The following KCNQ1OT1 variants were observed in gnomAD, a reference collection of about 807,000 sequenced individuals.
KCNQ1OT1 encodes the protein KCNQ1 antisense RNA 2 (non-protein coding).
At position 2,620,069 on chromosome 11, in the gene KCNQ1OT1, T is replaced by C; in HGVS notation, n.79926A>G. 1 of 398,390 alleles carries C rather than the reference T, an allele frequency of 2.5e-6. No individual in the cohort carries two copies. The highest frequency in any genetic ancestry group is 4.4e-5 in the Admixed American group (1 of 22,712). 24.7% of individuals were successfully genotyped at this position (398,390 alleles called of 1,614,324 possible). ...TACTGATCATCTTTATGTCCATGTT[T>C]ACTCAGTGTTTAGGTCCCACTTGCA... On this transcript the variant is annotated non_coding_transcript_exon_variant, in exon 1 of 1. Coordinates refer to ENST00000597346, the Ensembl canonical transcript of KCNQ1OT1. This position sits in a 1 kb window ranked among gnomAD's most constrained non-coding sequence, Gnocchi z 4.5.
Position 2,682,170 on chromosome 11 carries a change from C to G in KCNQ1OT1, n.17825G>C, listed in dbSNP as rs1188745336. On this transcript the variant is annotated non_coding_transcript_exon_variant, in exon 1 of 1. Transcript: ENST00000597346. This position sits in a 1 kb window ranked among gnomAD's most constrained non-coding sequence, Gnocchi z 5.8. The stretch of plus-strand genomic sequence containing the variant: ...CTTTCAGTATTAAACATATCAAGCT[C>G]TCTCCTGACCTTCTCTCCCCTTCCC... The G allele has an allele frequency of 5.0e-6, 2 of 398,478 alleles. No individual in the cohort carries two copies. Among genetic ancestry groups the G allele is most frequent in the Non-Finnish European group, 8.8e-6 (2 of 226,076 alleles). 24.7% of individuals were successfully genotyped at this position (398,478 alleles called of 1,614,324 possible).
At chr11:2,615,966 C>A (rs1244582246) in exon 1 of KCNQ1OT1, 4 of 397,934 alleles carry the variant, frequency 1.0e-5, no homozygotes, top group South Asian at 1.3e-4. Context: ...TGGTATAATT[C>A]AACAGTGACG....
chr11:2,692,209 C>A, exon 1 of KCNQ1OT1: 1 of 398,894 alleles, frequency 2.5e-6, no homozygotes, highest in Admixed American at 4.4e-5. Flanking sequence ...TTCCGATACA[C>A]CCGCTTCCTC....
rs759620486 is a variant in KCNQ1OT1 at position 2,695,830 on chromosome 11, A to G, written n.4165T>C. 29 of 398,446 alleles carry G rather than the reference A, an allele frequency of 7.3e-5. No homozygotes were observed. Among genetic ancestry groups the G allele is most frequent in the South Asian group, 1.3e-4 (1 of 7,858 alleles). 24.7% of individuals were successfully genotyped at this position (398,446 alleles called of 1,614,324 possible). A position where few individuals can be genotyped will look rare whatever the true frequency, so the allele number is the denominator to read the frequency against. On this transcript the variant is annotated non_coding_transcript_exon_variant, in exon 1 of 1. Coordinates refer to ENST00000597346, the Ensembl canonical transcript of KCNQ1OT1. The surrounding 1 kb of genome is among the most constrained non-coding windows in gnomAD (Gnocchi z 5.2). ...TGTTGCTTTCATTTACATTTCTCTG[A>G]TAACTGATTAGCTTGGGCAAATTTT...
exon 1 of KCNQ1OT1, chr11:2,633,055 C>T (rs747550913): frequency 2.3e-5 from 9 of 398,314 alleles, no homozygotes; most frequent in Non-Finnish European, 4.0e-5. Flanking sequence ...TTTCCCTTTT[C>T]TCTGCATCCT....
chr11:2,639,317 G>C (rs1849531120), exon 1 of KCNQ1OT1: 1 of 152,108 alleles, frequency 6.6e-6, no homozygotes, highest in Non-Finnish European at 1.5e-5. Flanking sequence ...CTGCTTTTCT[G>C]CTGTTTTTTC....
Position 2,663,236 on chromosome 11 carries a change from C to T in KCNQ1OT1, n.36759G>A, listed in dbSNP as rs1284197874. The T allele has an allele frequency of 2.5e-6, 1 of 398,558 alleles. No homozygotes were observed. Among genetic ancestry groups the T allele is most frequent in the East Asian group, 3.6e-5 (1 of 28,086 alleles). The allele number at this position is 398,558 out of a possible 1,614,324, so 24.7% of individuals were successfully genotyped here. A position where few individuals can be genotyped will look rare whatever the true frequency, so the allele number is the denominator to read the frequency against. On this transcript the variant is annotated non_coding_transcript_exon_variant, in exon 1 of 1. Transcript: ENST00000597346. The surrounding 1 kb of genome is among the most constrained non-coding windows in gnomAD (Gnocchi z 5.2). ...AGAGGCTCCAAGGGAGCCAGCAGAT[C>T]ACTGGAAAGCAGGGGTGACTAGTCA... is the stretch of plus-strand genomic sequence containing the variant.
At position 2,674,309 on chromosome 11, in the gene KCNQ1OT1, C is replaced by G. The variant is rs765286982; in HGVS notation, n.25686G>C. ...CTTTCTTCATCATGCAGCCGTAGAG[C>G]TGGAGGCCAAGGACACCCTCTGGAA... On this transcript the variant is annotated non_coding_transcript_exon_variant, in exon 1 of 1. Transcript: ENST00000597346. The surrounding 1 kb of genome is among the most constrained non-coding windows in gnomAD (Gnocchi z 5.9). 7.5e-6 allele frequency: 3 copies of G among 398,592 alleles called. No homozygotes were observed. The highest frequency in any genetic ancestry group is 1.3e-5 in the Non-Finnish European group (3 of 226,166). 24.7% of individuals were successfully genotyped at this position (398,592 alleles called of 1,614,324 possible).
chr11:2,662,903 G>T, exon 1 of KCNQ1OT1: 1 of 398,662 alleles, frequency 2.5e-6, no homozygotes, highest in Non-Finnish European at 4.4e-6. Context: ...GACTCTCTGG[G>T]GGTCAGGAGG....
chr11:2,634,021 G>A (rs1211795113), exon 1 of KCNQ1OT1: 3 of 398,424 alleles, frequency 7.5e-6, no homozygotes, highest in African/African-American at 4.1e-5. Flanking sequence ...GCAGTGTAGT[G>A]CCTCCAGCTT....
At position 2,652,404 on chromosome 11, in the gene KCNQ1OT1, TC is replaced by T; in HGVS notation, n.47590del. 2 of 398,650 alleles carry T rather than the reference TC, an allele frequency of 5.0e-6. No individual in the cohort carries two copies. Among genetic ancestry groups the T allele is most frequent in the Non-Finnish European group, 4.4e-6 (1 of 226,070 alleles). 24.7% of individuals were successfully genotyped at this position (398,650 alleles called of 1,614,324 possible). On this transcript the variant is annotated non_coding_transcript_exon_variant, in exon 1 of 1. Coordinates refer to ENST00000597346, the Ensembl canonical transcript of KCNQ1OT1. The surrounding 1 kb of genome is among the most constrained non-coding windows in gnomAD (Gnocchi z 5.9). Reference sequence around the variant, plus strand: ...AATTAGATTAAAAACATTTTTTTCTTCCTGTGTAATTTTGTCTTGAAAATCA... The same window carrying T: ...AATTAGATTAAAAACATTTTTTTCTTCTGTGTAATTTTGTCTTGAAAATCA...
chr11:2,672,161 GT>G (rs1850194606), exon 1 of KCNQ1OT1: 1 of 398,542 alleles, frequency 2.5e-6, no homozygotes, highest in African/African-American at 2.1e-5. Context: ...AGTTGGGCTT[GT>G]TTTTCAGTGT....
chr11:2,651,788 C>G lies in KCNQ1OT1; in HGVS notation n.48207G>C, dbSNP rs568949380. On this transcript the variant is annotated non_coding_transcript_exon_variant, in exon 1 of 1. Transcript: ENST00000597346. This position sits in a 1 kb window ranked among gnomAD's most constrained non-coding sequence, Gnocchi z 6.1. ...AGTGTTGACCATTTTGATTCCTGGG[C>G]CCCTTAAGAGTCCATTAGCATTGGA... is the stretch of plus-strand genomic sequence containing the variant. 117 of 398,614 alleles carry G rather than the reference C, an allele frequency of 2.9e-4. No individual in the cohort carries two copies. Among genetic ancestry groups the G allele is most frequent in the African/African-American group, 2.2e-3 (106 of 48,730 alleles). The allele number at this position is 398,614 out of a possible 1,614,324, so 24.7% of individuals were successfully genotyped here.
At chr11:2,619,113 A>G in exon 1 of KCNQ1OT1, 1 of 398,518 alleles carries the variant, frequency 2.5e-6, no homozygotes, top group South Asian at 1.3e-4. Flanking sequence ...GGATCATGTC[A>G]TCTTCATATA....
rs754487795 is a variant in KCNQ1OT1, at chr11:2,698,467, C to G, written n.1528G>C. 2.3e-5 allele frequency: 9 copies of G among 398,444 alleles called. No individual in the cohort carries two copies. Among genetic ancestry groups the G allele is most frequent in the Admixed American group, 4.4e-5 (1 of 22,718 alleles). The allele number at this position is 398,444 out of a possible 1,614,324, so 24.7% of individuals were successfully genotyped here. ...AGACCTGCATCTGATCAACTCTCATCTCCAATATGACCAAGAGACTTCTAC... is the reference window on the plus strand; with the variant it reads ...AGACCTGCATCTGATCAACTCTCATGTCCAATATGACCAAGAGACTTCTAC... On this transcript the variant is annotated non_coding_transcript_exon_variant, in exon 1 of 1. Coordinates refer to ENST00000597346, the Ensembl canonical transcript of KCNQ1OT1. The surrounding 1 kb of genome is among the most constrained non-coding windows in gnomAD (Gnocchi z 5.1).
chr11:2,629,886 C>T (rs779854283), exon 1 of KCNQ1OT1: 10 of 398,216 alleles, frequency 2.5e-5, no homozygotes, highest in Non-Finnish European at 4.4e-5. Flanking sequence ...AATTTTACTT[C>T]CTTCTTTCTG....
exon 1 of KCNQ1OT1, chr11:2,615,587 G>A: frequency 2.5e-6 from 1 of 397,878 alleles, no homozygotes; most frequent in East Asian, 3.6e-5. Context: ...TTTTTATCCT[G>A]AAAGGTTGTA....
rs190806863 is a variant in KCNQ1OT1 at position 2,689,543 on chromosome 11, A to G, written n.10452T>C. On this transcript the variant is annotated non_coding_transcript_exon_variant, in exon 1 of 1. Coordinates refer to ENST00000597346, the Ensembl canonical transcript of KCNQ1OT1. ...CCCTGTCCCAGCATGAAGCTTGCACAGGAAGAACAGAATGAATGATGTGGA... is the reference window on the plus strand; with the variant it reads ...CCCTGTCCCAGCATGAAGCTTGCACGGGAAGAACAGAATGAATGATGTGGA... The G allele has an allele frequency of 1.0e-5, 4 of 398,694 alleles. No homozygotes were observed. In the East Asian group the frequency reaches 1.4e-4, roughly 14 times the overall value. 24.7% of individuals were successfully genotyped at this position (398,694 alleles called of 1,614,324 possible). A position where few individuals can be genotyped will look rare whatever the true frequency, so the allele number is the denominator to read the frequency against.
rs1383035176 is a variant in KCNQ1OT1, at chr11:2,620,211, A to ATATATATATATATAT, written n.79783_79784insATATATATATATATA. 2.0e-5 allele frequency: 5 copies of ATATATATATATATAT among 252,756 alleles called. No homozygotes were observed. Among genetic ancestry groups the ATATATATATATATAT allele is most frequent in the African/African-American group, 1.3e-4 (5 of 37,828 alleles). 15.7% of individuals were successfully genotyped at this position (252,756 alleles called of 1,614,324 possible). On this transcript the variant is annotated non_coding_transcript_exon_variant, in exon 1 of 1. Coordinates refer to ENST00000597346, the Ensembl canonical transcript of KCNQ1OT1. The surrounding 1 kb of genome is among the most constrained non-coding windows in gnomAD (Gnocchi z 4.5). ...TAAGTTCATTCATGTATATATATAT[A>ATATATATATATATAT]TTTTTTTTTTTTATTTTTTTTTTAG...
Sources: allele counts gnomAD v4.1 joint callset, GRCh38; gene constraint gnomAD v4.1.1; non-coding constraint Gnocchi (gnomAD v3.1); transcripts MANE v1.5; gene names NCBI Gene and HGNC (gene_info 2026-07-23, HGNC 2026-07-21).